SAMD8: variants seen among roughly 807,000 people sequenced by gnomAD.
SAMD8 encodes the protein sphingomyelin synthase-related protein 1.
Under a neutral mutation model 42.0 loss-of-function variants are expected in SAMD8, and 20 were observed. The ratio of observed to expected loss-of-function variants is 0.48; its 90% CI spans 0.34 to 0.69. SAMD8 has a LOEUF of 0.69. SAMD8 is among the 30% of genes least tolerant of loss of function. The pLI, the probability that SAMD8 is intolerant of heterozygous loss-of-function variation, is 0.01. For synonymous variants in SAMD8, 162 were observed against 173.0 expected (o/e 0.94, Z 0.50); for missense variants, 328 against 511.6 (o/e 0.64, Z 3.46).
intron 1 of SAMD8, among the ~76,000 whole-genome samples, chr10:75,104,384 G>A (rs748313822): frequency 7.9e-5 from 12 of 152,178 alleles, no homozygotes; most frequent in Admixed American, 3.3e-4. Flanking sequence ...AACTCCTGGG[G>A]CCTCCAGTTG....
upstream of SAMD8, chr10:75,107,969 T>A: frequency 6.3e-7 from 1 of 1,596,994 alleles, no homozygotes; most frequent in Non-Finnish European, 8.5e-7. Flanking sequence ...AGATGGGATA[T>A]GGGCTTGGAC....
At chr10:75,111,640 A>AG (rs1848770498), upstream of SAMD8, 1 of 1,245,394 alleles carries the variant, frequency 8.0e-7, no homozygotes, top group Admixed American at 4.2e-5. Context: ...CACTCCGGCG[A>AG]GGCGGGGAGG....
At chr10:75,147,280 A>G (rs185667096) in intron 1 of SAMD8, among the ~76,000 whole-genome samples, 5 of 152,250 alleles carry the variant, frequency 3.3e-5, no homozygotes, top group Admixed American at 2.6e-4. Flanking sequence ...GAATGTTAAC[A>G]GACTAGAAAT....
At chr10:75,164,828 T>G (rs1048415611) in intron 3 of SAMD8, 88 bp downstream of exon 3, 3 of 981,658 alleles carry the variant, frequency 3.1e-6, no homozygotes, top group South Asian at 1.4e-5. Flanking sequence ...TGCAGTTTCC[T>G]TGTTAATTTC....
intron 1 of SAMD8, among the ~76,000 whole-genome samples, chr10:75,118,313 A>T (rs1452854355): frequency 2.6e-5 from 4 of 152,248 alleles, no homozygotes; most frequent in Non-Finnish European, 5.9e-5. Context: ...TGCAGATTTT[A>T]TCGATGTTTT....
At chr10:75,116,667 A>G (rs1589931121) in intron 1 of SAMD8, among the ~76,000 whole-genome samples, 1 of 152,212 alleles carries the variant, frequency 6.6e-6, no homozygotes, top group Admixed American at 6.5e-5. Flanking sequence ...TCAATATAAT[A>G]TTAGCATGAA....
chr10:75,126,507 T>TTA (rs1056123092), intron 1 of SAMD8, among the ~76,000 whole-genome samples: 1 of 150,150 alleles, frequency 6.7e-6, no homozygotes, highest in Non-Finnish European at 1.5e-5. Flanking sequence ...TGCTTTTTTT[T>TTA]TTTTTTTTTT....
intron 1 of SAMD8, among the ~76,000 whole-genome samples, chr10:75,117,252 G>C (rs988903616): frequency 7.3e-5 from 11 of 151,254 alleles, no homozygotes; most frequent in Admixed American, 1.3e-4. Context: ...GTGAGACCTC[G>C]TCTCTACTAA....
intron 1 of SAMD8, chr10:75,125,846 C>T (rs1849119372): frequency 6.6e-6 from 1 of 152,170 alleles, no homozygotes; most frequent in Non-Finnish European, 1.5e-5. Context: ...AGTGCTGCCC[C>T]ATGACCTCCA....
chr10:75,147,701 G>T (rs1840175220), intron 1 of SAMD8, among the ~76,000 whole-genome samples: 1 of 152,194 alleles, frequency 6.6e-6, no homozygotes, highest in African/African-American at 2.4e-5. Context: ...GCATGTGCTT[G>T]TTGGATATCC....
chr10:75,165,704 A>G (rs1840658987), intron 3 of SAMD8, among the ~76,000 whole-genome samples: 1 of 150,952 alleles, frequency 6.6e-6, no homozygotes, highest in African/African-American at 2.4e-5. Flanking sequence ...AGCCAGGCAC[A>G]GTGGCACATG....
At chr10:75,156,368 T>A (rs1648740881) in intron 2 of SAMD8, among the ~76,000 whole-genome samples, 1 of 152,204 alleles carries the variant, frequency 6.6e-6, no homozygotes, top group African/African-American at 2.4e-5. Flanking sequence ...ATGATTATTC[T>A]GCCTCCTCCA....
intron 1 of SAMD8, among the ~76,000 whole-genome samples, chr10:75,139,859 G>A (rs1839976242): frequency 6.6e-6 from 1 of 152,120 alleles, no homozygotes; most frequent in Non-Finnish European, 1.5e-5. Context: ...TTTGTTTTTG[G>A]TGTCACATCT....
intron 4 of SAMD8, 83 bp downstream of exon 4, chr10:75,168,741 A>G (rs894645370): frequency 1.9e-5 from 16 of 857,056 alleles, no homozygotes; most frequent in Admixed American, 3.9e-5. Context: ...TTTTGCTTAT[A>G]GTATTAAAAT....
chr10:75,117,754 G>C (rs1254648193), intron 1 of SAMD8, among the ~76,000 whole-genome samples: 2 of 152,130 alleles, frequency 1.3e-5, no homozygotes, highest in African/African-American at 4.8e-5. Context: ...TTACCAAATT[G>C]ATATGTTAAA....
At chr10:75,125,882 C>T (rs1315531620) in intron 1 of SAMD8, 1 of 152,128 alleles carries the variant, frequency 6.6e-6, no homozygotes, top group African/African-American at 2.4e-5. Flanking sequence ...GGAGCCGACT[C>T]CTTAAGGACT....
At chr10:75,169,013 A>G (rs1419011088) in intron 4 of SAMD8, among the ~76,000 whole-genome samples, 2 of 151,090 alleles carry the variant, frequency 1.3e-5, no homozygotes, top group African/African-American at 4.9e-5. Flanking sequence ...TCTACTAAAA[A>G]TACAAAAATT....
At chr10:75,103,343 A>G (rs1345352237) in intron 1 of SAMD8, among the ~76,000 whole-genome samples, 1 of 152,220 alleles carries the variant, frequency 6.6e-6, no homozygotes, top group Non-Finnish European at 1.5e-5. Context: ...GCACAGGCCC[A>G]CACACAGACA....
intron 1 of SAMD8, chr10:75,104,016 C>T (rs1848341471): frequency 7.4e-7 from 1 of 1,360,236 alleles, no homozygotes; most frequent in Non-Finnish European, 9.8e-7. Context: ...TCCGCCTGGG[C>T]CAGAGCCTCC....
Sources: allele counts gnomAD v4.1 joint callset (sites outside exome capture counted in the v4.1 genomes callset), GRCh38; gene constraint gnomAD v4.1.1; transcripts MANE v1.5; gene names NCBI Gene and HGNC (gene_info 2026-07-23, HGNC 2026-07-21).